Variants in HM13 observed in about 807,000 individuals in gnomAD.
HM13 encodes histocompatibility minor 13.
Under a neutral mutation model 50.0 loss-of-function variants are expected in HM13, and 18 were observed. The ratio of observed to expected loss-of-function variants is 0.36; its 90% CI spans 0.25 to 0.53. The LOEUF (loss-of-function observed/expected upper bound fraction) is 0.53. Among genes scored for constraint, HM13 ranks in the 20% least tolerant of loss-of-function variants. HM13 has a pLI of 0.90. For missense variants in HM13, 393 were observed against 552.4 expected (o/e 0.71, Z 2.89); for synonymous variants, 197 against 232.6 (o/e 0.85, Z 1.39).
chr20:31,559,466 G>A (rs1984492583), intron 8 of HM13, 145 bp from the exon 9 acceptor site: 12 of 821,042 alleles, frequency 1.5e-5, no homozygotes, highest in Non-Finnish European at 2.5e-5. Flanking sequence ...ACTTTCTGCT[G>A]TCACTTGAGA....
intron 4 of HM13, among the ~76,000 whole-genome samples, chr20:31,546,267 C>A (rs1278112699): frequency 3.3e-5 from 5 of 151,606 alleles, no homozygotes; most frequent in African/African-American, 1.2e-4. Context: ...AGGATGGTCT[C>A]CATCCCCTGA....
chr20:31,568,271 G>A (rs756135593), intron 12 of HM13, 47 bp downstream of exon 12: 22 of 1,598,032 alleles, frequency 1.4e-5, no homozygotes, highest in Admixed American at 5.1e-5. Flanking sequence ...CTACTGCCCC[G>A]GGGCCCAAGG....
chr20:31,565,642 T>C (rs1040477746), intron 10 of HM13, among the ~76,000 whole-genome samples: 2 of 152,180 alleles, frequency 1.3e-5, no homozygotes, highest in Non-Finnish European at 2.9e-5. Context: ...GCACAGTAGA[T>C]GTTCATGAAC....
intron 2 of HM13, among the ~76,000 whole-genome samples, chr20:31,533,735 G>A (rs995358411): frequency 7.2e-5 from 11 of 152,152 alleles, no homozygotes; most frequent in Admixed American, 2.6e-4. Context: ...GCACTTGGCC[G>A]TGGGTCTCCT....
rs561773722 is a variant in HM13 at position 31,543,697 on chromosome 20, C to T, written c.366-1250C>T. ...CTGTAATCCCAGCATTTTGGGAGGCCGAGGTGGGCGAATCACGAGGTCAGG... is the reference window on the plus strand; with the variant it reads ...CTGTAATCCCAGCATTTTGGGAGGCTGAGGTGGGCGAATCACGAGGTCAGG... On this transcript the variant is annotated intron_variant, in intron 3 of 12. Transcript: ENST00000398174. Among the ~76,000 whole-genome samples, 12 of 151,774 alleles carry T rather than the reference C, an allele frequency of 7.9e-5. No individual in the cohort carries two copies. In the South Asian group the frequency reaches 2.1e-3, roughly 26 times the overall value.
rs73233665 is a variant in HM13, at chr20:31,548,913, G to A, written c.455-116G>A. ...TCTGGGGCAGCCAAGGCTTAGCCCC[G>A]CCAGCCTGTGAACCTCTCACAGTGC... On this transcript the variant is annotated intron_variant, in intron 4 of 12. Coordinates refer to ENST00000398174, the MANE Select transcript of HM13 (RefSeq NM_178581.3). 219 of 918,416 alleles carry A rather than the reference G, an allele frequency of 2.4e-4. 2 individuals are homozygous for A. Among genetic ancestry groups the A allele is most frequent in the African/African-American group, 2.2e-3 (137 of 61,804 alleles). The allele number at this position is 918,416 out of a possible 1,614,324, so 56.9% of individuals were successfully genotyped here.
intron 9 of HM13, among the ~76,000 whole-genome samples, chr20:31,560,275 C>T (rs1488919717): frequency 1.3e-5 from 2 of 152,224 alleles, no homozygotes; most frequent in Admixed American, 6.5e-5. Flanking sequence ...GCGCCAGCAA[C>T]AGCTCCATCA....
intron 9 of HM13, among the ~76,000 whole-genome samples, chr20:31,560,999 G>A (rs564179542): frequency 7.9e-5 from 12 of 152,202 alleles, no homozygotes; most frequent in South Asian, 6.2e-4. Context: ...TGGCAATGCC[G>A]GGCTGTATAT....
intron 8 of HM13, among the ~76,000 whole-genome samples, chr20:31,557,087 A>C (rs1429724152): frequency 6.6e-6 from 1 of 151,822 alleles, no homozygotes; most frequent in African/African-American, 2.4e-5. Context: ...CCAGCAGTCC[A>C]GTGAGATAGA....
Position 31,569,216 on chromosome 20 carries a change from A to G in HM13, c.1278A>G (p.Lys426=). ...SASKGLEKKE[K] ...CGAAGGGGCTGGAGAAGAAAGAGAAATGATGCAGCTGGTGCCCGAGCCTCT... is the reference window on the plus strand; with the variant it reads ...CGAAGGGGCTGGAGAAGAAAGAGAAGTGATGCAGCTGGTGCCCGAGCCTCT... Residue 426 remains lysine (K), a synonymous_variant, in exon 13 of 13, where the codon AAA becomes AAG. Transcript: ENST00000398174. 6.3e-7 allele frequency: 1 copy of G among 1,582,744 alleles called. No individual in the cohort carries two copies. The highest frequency in any genetic ancestry group is 8.6e-7 in the Non-Finnish European group (1 of 1,162,078).
chr20:31,543,246 G>A (rs1010009768), intron 3 of HM13, among the ~76,000 whole-genome samples: 5 of 152,118 alleles, frequency 3.3e-5, no homozygotes, highest in East Asian at 1.9e-4. Context: ...AGGAGGGATC[G>A]GCTCTTTGAC....
At chr20:31,531,070 A>G (rs1213829977) in intron 2 of HM13, among the ~76,000 whole-genome samples, 1 of 152,018 alleles carries the variant, frequency 6.6e-6, no homozygotes, top group African/African-American at 2.4e-5. Context: ...TTTGAGATGG[A>G]GTCTCACTCT....
intron 4 of HM13, 111 bp from the exon 5 acceptor site, chr20:31,548,918 C>T (rs764224239): frequency 8.5e-6 from 8 of 945,736 alleles, no homozygotes; most frequent in Non-Finnish European, 1.4e-5. Flanking sequence ...GCCCCGCCAG[C>T]CTGTGAACCT....
intron 1 of HM13, among the ~76,000 whole-genome samples, chr20:31,522,988 T>G (rs1192666228): frequency 6.6e-6 from 1 of 150,882 alleles, no homozygotes; most frequent in African/African-American, 2.5e-5. Flanking sequence ...GTGATATACA[T>G]GTCTATTGCA....
At chr20:31,566,089 G>C (rs1277151134) in intron 10 of HM13, 121 bp from the exon 11 acceptor site, 1 of 666,614 alleles carries the variant, frequency 1.5e-6, no homozygotes, top group East Asian at 2.8e-5. Flanking sequence ...CCACTGACTT[G>C]CTATGGTCCT....
intron 2 of HM13, among the ~76,000 whole-genome samples, chr20:31,528,284 G>A (rs1039912332): frequency 6.6e-6 from 1 of 152,172 alleles, no homozygotes; most frequent in Non-Finnish European, 1.5e-5. Flanking sequence ...CACAGAAGTA[G>A]TCATTAACAT....
rs544684264 is a variant in HM13 at position 31,559,533 on chromosome 20, G to A, written c.809-78G>A. On this transcript the variant is annotated intron_variant, in intron 8 of 12. Transcript: ENST00000398174. Reference sequence around the variant, plus strand: ...GCTCCAAGATGGAACACCAGGTTGGGGACCAGGACCCAGTCTCCTGTTAGT... The same window carrying A: ...GCTCCAAGATGGAACACCAGGTTGGAGACCAGGACCCAGTCTCCTGTTAGT... 9.2e-6 allele frequency: 13 copies of A among 1,413,986 alleles called. No individual in the cohort carries two copies. The East Asian group carries it at 3.0e-4, about 32-fold the overall frequency. 87.6% of individuals were successfully genotyped at this position (1,413,986 alleles called of 1,614,324 possible). A position where few individuals can be genotyped will look rare whatever the true frequency, so the allele number is the denominator to read the frequency against.
chr20:31,559,770 C>A, intron 9 of HM13, 123 bp downstream of exon 9: 1 of 867,280 alleles, frequency 1.2e-6, no homozygotes, highest in Non-Finnish European at 1.9e-6. Context: ...CAGAGCAATT[C>A]TGATTTTATC....
At chr20:31,529,575 T>A (rs902231830) in intron 2 of HM13, among the ~76,000 whole-genome samples, 1 of 152,136 alleles carries the variant, frequency 6.6e-6, no homozygotes, top group Non-Finnish European at 1.5e-5. Context: ...GTACGTCAGC[T>A]TTTTTCCTGG....
Sources: allele counts gnomAD v4.1 joint callset (sites outside exome capture counted in the v4.1 genomes callset), GRCh38; gene constraint gnomAD v4.1.1; transcripts MANE v1.5; gene names NCBI Gene and HGNC (gene_info 2026-07-23, HGNC 2026-07-21).